SNAPC3: variants seen among roughly 807,000 people sequenced by gnomAD.
SNAPC3 encodes the protein snRNA-activating protein complex subunit 3.
In SNAPC3, 56 loss-of-function variants were observed where a neutral mutation model predicts 47.7. The observed-to-expected ratio is 1.18, with a 90% confidence interval of 0.95 to 1.47. The LOEUF (loss-of-function observed/expected upper bound fraction) is 1.47, where lower values mean the gene tolerates loss of function less well. Among genes scored for constraint, SNAPC3 ranks in the 40% most tolerant of loss-of-function variants. SNAPC3 has a pLI of 0.00. For missense variants in SNAPC3, 665 were observed against 511.3 expected, an observed-to-expected ratio of 1.30 and a Z score of -2.90; for synonymous variants, 235 against 189.9, an observed-to-expected ratio of 1.24 and a Z score of -1.95.
rs554989813 is a variant in SNAPC3 at position 15,427,128 on chromosome 9, A to G, written c.392+3142A>G. Among the ~76,000 whole-genome samples, 9 of 152,340 alleles carry G rather than the reference A, an allele frequency of 5.9e-5. No individual in the cohort carries two copies. The East Asian group carries it at 7.7e-4, about 13-fold the overall frequency. ...AAATGAAAGAGCTCGTTTTATGCAT[A>G]TAAGGGACCAAAGGTAGTTGGTAGA... On this transcript the variant is annotated intron_variant, in intron 2 of 8. Coordinates refer to ENST00000380821, the MANE Select transcript of SNAPC3 (RefSeq NM_001039697.2).
chr9:15,426,835 T>C (rs1404109160), intron 2 of SNAPC3, among the ~76,000 whole-genome samples: 1 of 152,202 alleles, frequency 6.6e-6, no homozygotes, highest in African/African-American at 2.4e-5. Flanking sequence ...TGTAAATCAG[T>C]ACGGTATTCT....
intron 1 of SNAPC3, 97 bp downstream of exon 1, chr9:15,423,290 T>C: frequency 7.9e-7 from 1 of 1,260,972 alleles, no homozygotes; most frequent in Non-Finnish European, 1.1e-6. Flanking sequence ...GAAGGGCCTG[T>C]GGTTTAGACC....
chr9:15,434,438 C>T (rs1236453361), intron 3 of SNAPC3, among the ~76,000 whole-genome samples: 3 of 146,618 alleles, frequency 2.0e-5, no homozygotes, highest in East Asian at 2.0e-4. Context: ...AACAGAGTCT[C>T]GCTGTGTCGC....
chr9:15,443,674 G>C (rs968550254), intron 3 of SNAPC3, among the ~76,000 whole-genome samples: 1 of 152,026 alleles, frequency 6.6e-6, no homozygotes, highest in African/African-American at 2.4e-5. Flanking sequence ...ACCAATGCAC[G>C]TACCTGGACC....
intron 2 of SNAPC3, among the ~76,000 whole-genome samples, chr9:15,425,515 G>T (rs540352200): frequency 6.6e-6 from 1 of 152,228 alleles, no homozygotes; most frequent in East Asian, 1.9e-4. Flanking sequence ...GCCACACCTT[G>T]CCCATACCAC....
intron 8 of SNAPC3, among the ~76,000 whole-genome samples, chr9:15,458,989 C>A (rs1231255710): frequency 2.6e-5 from 4 of 152,214 alleles, no homozygotes; most frequent in Admixed American, 6.5e-5. Context: ...TGAAATACTT[C>A]TTTTTGATCC....
At chr9:15,426,635 CT>C (rs1463781774) in intron 2 of SNAPC3, among the ~76,000 whole-genome samples, 2 of 152,110 alleles carry the variant, frequency 1.3e-5, no homozygotes, top group African/African-American at 4.8e-5. Context: ...AAAGCAGACT[CT>C]TTTTTGCTAT....
intron 4 of SNAPC3, among the ~76,000 whole-genome samples, chr9:15,445,666 G>A (rs1469791561): frequency 1.3e-5 from 2 of 152,152 alleles, no homozygotes; most frequent in Non-Finnish European, 2.9e-5. Flanking sequence ...TCAAATTGCT[G>A]GCTGGGTGTA....
At chr9:15,426,372 A>G (rs973267614) in intron 2 of SNAPC3, among the ~76,000 whole-genome samples, 4 of 152,042 alleles carry the variant, frequency 2.6e-5, no homozygotes, top group Admixed American at 6.6e-5. Flanking sequence ...GTAGCACCCT[A>G]TGCTTCCCTA....
intron 3 of SNAPC3, among the ~76,000 whole-genome samples, chr9:15,434,010 A>G (rs1044909413): frequency 6.6e-6 from 1 of 152,218 alleles, no homozygotes; most frequent in African/African-American, 2.4e-5. Context: ...ATTTAAGATG[A>G]TGACTCTTGA....
intron 3 of SNAPC3, among the ~76,000 whole-genome samples, chr9:15,441,705 G>T (rs1215188859): frequency 1.3e-5 from 2 of 152,086 alleles, no homozygotes; most frequent in Non-Finnish European, 2.9e-5. Flanking sequence ...AGAGCAGGGG[G>T]TTGGGGGTAA....
intron 3 of SNAPC3, among the ~76,000 whole-genome samples, chr9:15,440,926 G>A (rs534816657): frequency 7.2e-6 from 1 of 139,570 alleles, no homozygotes; most frequent in African/African-American, 2.7e-5. Flanking sequence ...TCCAGCTTGG[G>A]CAACAGAGTG....
At chr9:15,446,340 A>G (rs763045901) in intron 4 of SNAPC3, among the ~76,000 whole-genome samples, 91 of 152,084 alleles carry the variant, frequency 6.0e-4, no homozygotes, top group Admixed American at 7.2e-4. Flanking sequence ...CCAAGTAGCT[A>G]GGACTACAAG....
At chr9:15,436,823 T>G (rs2131818022) in intron 3 of SNAPC3, among the ~76,000 whole-genome samples, 1 of 144,770 alleles carries the variant, frequency 6.9e-6, no homozygotes, top group Admixed American at 7.0e-5. Context: ...TACAGCAGTT[T>G]TTTTTTTTTT....
At chr9:15,441,139 A>C (rs2033312898) in intron 3 of SNAPC3, among the ~76,000 whole-genome samples, 1 of 150,898 alleles carries the variant, frequency 6.6e-6, no homozygotes, top group African/African-American at 2.4e-5. Flanking sequence ...TGATTGTACA[A>C]ATTTCTGGGG....
intron 7 of SNAPC3, among the ~76,000 whole-genome samples, chr9:15,454,105 T>C (rs924854833): frequency 6.6e-6 from 1 of 152,004 alleles, no homozygotes; most frequent in Non-Finnish European, 1.5e-5. Flanking sequence ...TAGTGGTGTG[T>C]GCCTGTAATC....
At chr9:15,423,814 CGTAATTCAGTAAT>C in intron 1 of SNAPC3, 82 bp from the exon 2 acceptor site, 2 of 615,094 alleles carry the variant, frequency 3.3e-6, no homozygotes, top group Non-Finnish European at 2.7e-6. Flanking sequence ...TATCTGACTT[CGTAATTCAGTAAT>C]GTATTTAGGA....
chr9:15,445,636 A>AACT (rs1563849042), intron 4 of SNAPC3, among the ~76,000 whole-genome samples: 1 of 151,658 alleles, frequency 6.6e-6, no homozygotes, highest in South Asian at 2.1e-4. Context: ...AGTTAATACT[A>AACT]ATCTTATTTG....
downstream of SNAPC3, among the ~76,000 whole-genome samples, chr9:15,466,148 T>G (rs1198072658): frequency 1.3e-5 from 2 of 152,256 alleles, no homozygotes; most frequent in Non-Finnish European, 2.9e-5. Context: ...GAAGCCAAGG[T>G]GGGTGGATCA....
Sources: allele counts gnomAD v4.1 joint callset (sites outside exome capture counted in the v4.1 genomes callset), GRCh38; gene constraint gnomAD v4.1.1; transcripts MANE v1.5; gene names NCBI Gene and HGNC (gene_info 2026-07-23, HGNC 2026-07-21).